Variants in NECTIN3 observed in about 807,000 individuals in gnomAD.
The protein encoded by NECTIN3 is nectin-3.
In NECTIN3, 8 loss-of-function variants were observed where a neutral mutation model predicts 49.4. The observed-to-expected ratio is 0.16, with a 90% CI of 0.10 to 0.29. The LOEUF is 0.29. Among genes scored for constraint, NECTIN3 ranks in the 10% least tolerant of loss-of-function variants. NECTIN3 has a pLI of 1.00. For synonymous variants in NECTIN3, 277 were observed against 241.1 expected, an observed-to-expected ratio of 1.15 and a Z score of -1.38; for missense variants, 581 against 654.6, an observed-to-expected ratio of 0.89 and a Z score of 1.23.
chr3:111,141,845 C>G (rs933358769), downstream of NECTIN3, among the ~76,000 whole-genome samples: 7 of 151,894 alleles, frequency 4.6e-5, no homozygotes, highest in African/African-American at 1.7e-4. Flanking sequence ...GGTAATGTTT[C>G]ATGTCATTCA....
At chr3:111,177,537 G>A (rs1485922210) in intron 7 of NECTIN3, among the ~76,000 whole-genome samples, 1 of 152,176 alleles carries the variant, frequency 6.6e-6, no homozygotes, top group East Asian at 1.9e-4. Context: ...TGTGTAGTAT[G>A]ATGATAGGTG....
At chr3:111,114,453 T>A (rs754731750) in intron 2 of NECTIN3, among the ~76,000 whole-genome samples, 31 of 152,268 alleles carry the variant, frequency 2.0e-4, no homozygotes, top group Non-Finnish European at 2.6e-4. Flanking sequence ...ACTATTATGT[T>A]TTCTCCACTA....
intron 1 of NECTIN3, among the ~76,000 whole-genome samples, chr3:111,090,575 TGTG>T (rs2032207108): frequency 8.0e-6 from 1 of 124,296 alleles, no homozygotes; most frequent in South Asian, 2.5e-4. Context: ...TGTTTGTGTG[TGTG>T]TGTGTGTGTG....
At chr3:111,162,705 C>T (rs986399796) in intron 7 of NECTIN3, among the ~76,000 whole-genome samples, 1 of 152,134 alleles carries the variant, frequency 6.6e-6, no homozygotes, top group Admixed American at 6.6e-5. Flanking sequence ...TTTCCCCTAC[C>T]ATATAATAAG....
intron 7 of NECTIN3, among the ~76,000 whole-genome samples, chr3:111,154,883 C>G (rs2035067422): frequency 6.6e-6 from 1 of 151,932 alleles, no homozygotes; most frequent in African/African-American, 2.4e-5. Flanking sequence ...GATACAAGTC[C>G]TTTGTCAGCT....
intron 1 of NECTIN3, among the ~76,000 whole-genome samples, chr3:111,105,458 C>G (rs1422625020): frequency 2.0e-5 from 3 of 152,100 alleles, no homozygotes; most frequent in Non-Finnish European, 2.9e-5. Flanking sequence ...TGATGCTATT[C>G]TACGTAGCAA....
intron 1 of NECTIN3, chr3:111,072,742 C>G: frequency 1.5e-6 from 1 of 659,382 alleles, no homozygotes; most frequent in South Asian, 1.9e-5. Flanking sequence ...CTGACAGCTT[C>G]TGGAGCTCTC....
chr3:111,093,725 C>T (rs556739093), intron 1 of NECTIN3, among the ~76,000 whole-genome samples: 16 of 152,108 alleles, frequency 1.1e-4, no homozygotes, highest in East Asian at 5.8e-4. Flanking sequence ...CATGAGCCAC[C>T]GTGCCTGGCT....
intron 1 of NECTIN3, among the ~76,000 whole-genome samples, chr3:111,077,733 ATAT>A (rs1417083006): frequency 6.6e-6 from 1 of 152,208 alleles, no homozygotes; most frequent in Non-Finnish European, 1.5e-5. Context: ...ATTTGACCAA[ATAT>A]TATCAATCTT....
chr3:111,151,576 C>T (rs970073345), intron 7 of NECTIN3, among the ~76,000 whole-genome samples: 3 of 151,776 alleles, frequency 2.0e-5, no homozygotes, highest in Middle Eastern at 3.2e-3. Context: ...CTTTCCCCAC[C>T]TCTGTAAGTA....
chr3:111,156,263 A>G (rs1195626502), intron 7 of NECTIN3, among the ~76,000 whole-genome samples: 5 of 152,166 alleles, frequency 3.3e-5, no homozygotes, highest in Non-Finnish European at 7.4e-5. Flanking sequence ...TTTGTTTTTG[A>G]ATCTATTCAG....
chr3:111,146,726 C>CTCA (rs1398631388), intron 6 of NECTIN3, among the ~76,000 whole-genome samples: 1 of 152,012 alleles, frequency 6.6e-6, no homozygotes. Context: ...TATCTGTGAT[C>CTCA]TTCAAAAGCA....
At chr3:111,127,189 G>T (rs1458391316) in intron 5 of NECTIN3, among the ~76,000 whole-genome samples, 1 of 152,098 alleles carries the variant, frequency 6.6e-6, no homozygotes, top group East Asian at 1.9e-4. Context: ...ATAGTTAAGG[G>T]TTTTATCTTT....
rs1293673155 is a variant in NECTIN3 at position 111,071,927 on chromosome 3, G to A, written c.-91G>A. On this transcript the variant is annotated 5_prime_UTR_variant, in exon 1 of 6. Coordinates refer to ENST00000485303, the MANE Select transcript of NECTIN3 (RefSeq NM_015480.3). Reference sequence around the variant, plus strand: ...CTGGGAGCTGGGGACGCGCGCGCCGGACCTTCCACAGCCTCCGCCCAGAGC... The same window carrying A: ...CTGGGAGCTGGGGACGCGCGCGCCGAACCTTCCACAGCCTCCGCCCAGAGC... 1 of 905,850 alleles carries A rather than the reference G, an allele frequency of 1.1e-6. No homozygotes were observed. Among genetic ancestry groups the A allele is most frequent in the East Asian group, 3.4e-5 (1 of 29,066 alleles). 56.1% of individuals were successfully genotyped at this position (905,850 alleles called of 1,614,324 possible).
chr3:111,085,041 T>G (rs1033259926), intron 1 of NECTIN3, among the ~76,000 whole-genome samples: 5 of 152,220 alleles, frequency 3.3e-5, no homozygotes, highest in Non-Finnish European at 1.5e-5. Flanking sequence ...GTCTCTTTAG[T>G]GTTTCTTGGC....
chr3:111,135,268 A>T lies in NECTIN3; in HGVS notation c.*1053A>T. ...GGATATAACTAGAAAAAACTAGATT[A>T]TAGAATTAGTCGGTAACACTTGCTA... On this transcript the variant is annotated 3_prime_UTR_variant, in exon 6 of 6. Transcript: ENST00000485303. 1 of 968,150 alleles carries T rather than the reference A, an allele frequency of 1.0e-6. No homozygotes were observed. The highest frequency in any genetic ancestry group is 1.2e-6 in the Non-Finnish European group (1 of 814,556). The allele number at this position is 968,150 out of a possible 1,614,324, so 60.0% of individuals were successfully genotyped here. A position where few individuals can be genotyped will look rare whatever the true frequency, so the allele number is the denominator to read the frequency against.
intron 7 of NECTIN3, among the ~76,000 whole-genome samples, chr3:111,162,204 A>C (rs994463723): frequency 2.0e-5 from 3 of 151,588 alleles, no homozygotes; most frequent in African/African-American, 7.3e-5. Flanking sequence ...CACTGCCTTT[A>C]AAAAAAAATC....
chr3:111,171,708 T>TA (rs5851758), intron 7 of NECTIN3, among the ~76,000 whole-genome samples: 6,180 of 142,168 alleles, frequency 0.043, 407 homozygotes, highest in African/African-American at 0.14. Flanking sequence ...TGGGACCTCA[T>TA]AAAAAAAAAA....
rs946056058 is a variant in NECTIN3 at position 111,136,684 on chromosome 3, T to A, written c.*2469T>A. 3 of 908,768 alleles carry A rather than the reference T, an allele frequency of 3.3e-6. No individual in the cohort carries two copies. Among genetic ancestry groups the A allele is most frequent in the African/African-American group, 3.8e-5 (2 of 53,142 alleles). 56.3% of individuals were successfully genotyped at this position (908,768 alleles called of 1,614,324 possible). A position where few individuals can be genotyped will look rare whatever the true frequency, so the allele number is the denominator to read the frequency against. On this transcript the variant is annotated 3_prime_UTR_variant, in exon 6 of 6. Transcript: ENST00000485303. Reference sequence around the variant, plus strand: ...AAAATTCTACTATCGTGAAAAAAAATGAATATTTGTACTATTTTTGGCCAT... The same window carrying A: ...AAAATTCTACTATCGTGAAAAAAAAAGAATATTTGTACTATTTTTGGCCAT...
Sources: allele counts gnomAD v4.1 joint callset (sites outside exome capture counted in the v4.1 genomes callset), GRCh38; gene constraint gnomAD v4.1.1; transcripts MANE v1.5; gene names NCBI Gene and HGNC (gene_info 2026-07-23, HGNC 2026-07-21).